Variants in OTOGL observed in about 807,000 individuals in gnomAD.
The protein encoded by OTOGL is otogelin-like protein.
A neutral mutation model predicts 318.5 loss-of-function variants in OTOGL; 285 were observed. The ratio of observed to expected loss-of-function variants is 0.89; its 90% CI spans 0.81 to 0.99. OTOGL has a LOEUF of 0.99. Among genes scored for constraint, OTOGL ranks in the 50% least tolerant of loss-of-function variants. The pLI is 0.00. For missense variants in OTOGL, 2,899 were observed against 2,845.6 expected (o/e 1.02, Z -0.43); for synonymous variants, 987 against 936.5 (o/e 1.05, Z -0.99).
chr12:80,378,049 ACCCTTGGGTTC>A lies in OTOGL; in HGVS notation c.*3_*13del. 3 of 1,561,474 alleles carry A rather than the reference ACCCTTGGGTTC, an allele frequency of 1.9e-6. No homozygotes were observed. In the South Asian group the frequency reaches 3.5e-5, roughly 18 times the overall value. On this transcript the variant is annotated 3_prime_UTR_variant, in exon 59 of 59. Coordinates refer to ENST00000547103, the MANE Select transcript of OTOGL (RefSeq NM_001378609.3). ...AGACTGTACGTGCCAGTGGAATTAA[ACCCTTGGGTTC>A]CAAGAGCTCTATACAACATCATAAC...
intron 1 of OTOGL, among the ~76,000 whole-genome samples, chr12:80,152,349 G>A (rs1461029093): frequency 6.6e-6 from 1 of 152,158 alleles, no homozygotes; most frequent in Non-Finnish European, 1.5e-5. Context: ...AGAAGAGAAA[G>A]CAGAGGCCCA....
chr12:80,228,470 CAAAA>C (rs891603137), intron 7 of OTOGL, among the ~76,000 whole-genome samples: 39 of 151,304 alleles, frequency 2.6e-4, no homozygotes, highest in African/African-American at 9.4e-4. Context: ...CAAAAACAAA[CAAAA>C]AAAACCCCAA....
In OTOGL at chr12:80,255,110, G is replaced by A; in HGVS notation, c.1512G>A (p.Met504Ile). 1 of 1,526,100 alleles carries A rather than the reference G, an allele frequency of 6.6e-7. No homozygotes were observed. The highest frequency in any genetic ancestry group is 2.2e-5 in the Admixed American group (1 of 45,126). 94.5% of individuals were successfully genotyped at this position (1,526,100 alleles called of 1,614,324 possible). The change falls in exon 16 of 59, where the codon ATG becomes ATA. Residue 504 changes from methionine (M) to isoleucine (I), a missense_variant. This residue lies in a region of OTOGL where 2,607 missense variants were observed against 2,524.9 expected (regional missense o/e 1.03). Coordinates refer to ENST00000547103, the MANE Select transcript of OTOGL (RefSeq NM_001378609.3). The stretch of plus-strand genomic sequence containing the variant: ...GTCGACATTATTCTTTTATTGGCAT[G>A]TGCCAATACATCCTCGTGAAAGGAA... ...FDGRHYSFIG[M>I]CQYILVKGTG...
At chr12:80,302,055 TGTTAA>T (rs922649086) in intron 27 of OTOGL, among the ~76,000 whole-genome samples, 1 of 152,204 alleles carries the variant, frequency 6.6e-6, no homozygotes, top group Non-Finnish European at 1.5e-5. Flanking sequence ...TTTTCTTTCT[TGTTAA>T]GTTGAGAACT....
intron 1 of OTOGL, among the ~76,000 whole-genome samples, chr12:80,138,651 A>G (rs962014650): frequency 1.3e-5 from 2 of 152,206 alleles, no homozygotes; most frequent in Non-Finnish European, 2.9e-5. Context: ...CAATAGCTAC[A>G]TTAGCACTTT....
chr12:80,234,793 A>G (rs6539495), intron 9 of OTOGL, among the ~76,000 whole-genome samples: 108,618 of 152,114 alleles, frequency 0.71, 41,314 homozygotes, highest in East Asian at 1. Context: ...TTAGTTTACT[A>G]GTAGCTAGAG....
chr12:80,292,279 C>T (rs112477124), intron 26 of OTOGL, among the ~76,000 whole-genome samples: 22 of 152,306 alleles, frequency 1.4e-4, no homozygotes, highest in South Asian at 4.1e-4. Context: ...TGAGCCACTA[C>T]GCCCAGCAGA....
chr12:80,336,763 A>G (rs1888432930), intron 40 of OTOGL, 34 bp from the exon 41 acceptor site: 1 of 1,482,730 alleles, frequency 6.7e-7, no homozygotes, highest in Non-Finnish European at 9.1e-7. Context: ...AAGTCAAATA[A>G]TGCATTTAAA....
intron 1 of OTOGL, among the ~76,000 whole-genome samples, chr12:80,158,792 A>G (rs575816625): frequency 6.9e-4 from 105 of 152,160 alleles, no homozygotes; most frequent in African/African-American, 2.4e-3. Context: ...TGAGAGTTTG[A>G]CTTCCTCTTT....
At chr12:80,266,971 A>C (rs558528402) in intron 21 of OTOGL, among the ~76,000 whole-genome samples, 1 of 152,174 alleles carries the variant, frequency 6.6e-6, no homozygotes. Flanking sequence ...GTTAAATGAT[A>C]TATCAGTTAT....
intron 56 of OTOGL, among the ~76,000 whole-genome samples, chr12:80,371,270 A>T (rs1415126900): frequency 2.0e-5 from 3 of 152,128 alleles, no homozygotes; most frequent in Non-Finnish European, 4.4e-5. Context: ...ATTTATTTAG[A>T]CAATAATAAT....
rs1164891864 is a variant in OTOGL, at chr12:80,379,917, G to A, written c.*1869G>A. On this transcript the variant is annotated 3_prime_UTR_variant, in exon 59 of 59. Coordinates refer to ENST00000547103, the MANE Select transcript of OTOGL (RefSeq NM_001378609.3). ...TAACTCCCTTAATTCTTAGAGTCTAGCAAGAAAGCAGGCCTTAAATAGCCA... is the reference window on the plus strand; with the variant it reads ...TAACTCCCTTAATTCTTAGAGTCTAACAAGAAAGCAGGCCTTAAATAGCCA... 1 of 151,908 alleles carries A rather than the reference G, an allele frequency of 6.6e-6. No homozygotes were observed. The highest frequency in any genetic ancestry group is 6.6e-5 in the Admixed American group (1 of 15,230). The allele number at this position is 151,908 out of a possible 1,614,324, so 9.4% of individuals were successfully genotyped here. A position where few individuals can be genotyped will look rare whatever the true frequency, so the allele number is the denominator to read the frequency against.
intron 1 of OTOGL, among the ~76,000 whole-genome samples, chr12:80,177,399 CT>C (rs892820527): frequency 6.6e-6 from 1 of 152,112 alleles, no homozygotes; most frequent in Non-Finnish European, 1.5e-5. Flanking sequence ...GCCTCAGCAC[CT>C]TTTTTGAAAA....
chr12:80,276,452 A>G (rs1311588450), intron 24 of OTOGL, among the ~76,000 whole-genome samples: 6 of 151,762 alleles, frequency 4.0e-5, no homozygotes, highest in Non-Finnish European at 7.4e-5. Context: ...AGTTATTGTC[A>G]CTATAAGCTA....
chr12:80,122,900 A>AT (rs148785421), intron 1 of OTOGL, among the ~76,000 whole-genome samples: 5 of 149,294 alleles, frequency 3.3e-5, no homozygotes, highest in African/African-American at 9.9e-5. Context: ...TTATTTTTTT[A>AT]TTTTTATTTT....
In OTOGL at chr12:80,320,550, C is replaced by T. The variant is rs1230531336; in HGVS notation, c.3931C>T (p.His1311Tyr). Reference sequence around the variant, plus strand: ...CTTTCATCGGAGAGCAACATTTTTCCACCATCAGGGCCTCTGGATTCCTGG... The same window carrying T: ...CTTTCATCGGAGAGCAACATTTTTCTACCATCAGGGCCTCTGGATTCCTGG... ...SAFHRRATFF[H>Y]HQGLWIPGYS... Residue 1311 changes from histidine (H) to tyrosine (Y), a missense_variant, in exon 34 of 59, where the codon CAC (histidine) becomes TAC (tyrosine). By Grantham distance (83) the His-to-Tyr change is moderately conservative (BLOSUM62 2). Around this residue, in one of 3 missense-constraint regions of OTOGL, gnomAD observed 2,607 missense variants for 2,524.9 expected, o/e 1.03. Coordinates refer to ENST00000547103, the MANE Select transcript of OTOGL (RefSeq NM_001378609.3). 1.2e-6 allele frequency: 2 copies of T among 1,613,496 alleles called. No homozygotes were observed. The highest frequency in any genetic ancestry group is 3.3e-5 in the Admixed American group (2 of 59,898).
intron 1 of OTOGL, among the ~76,000 whole-genome samples, chr12:80,161,176 A>G (rs1873491679): frequency 6.6e-6 from 1 of 152,072 alleles, no homozygotes; most frequent in Non-Finnish European, 1.5e-5. Context: ...ACAAATTACC[A>G]CTAAAGAACT....
intron 31 of OTOGL, 147 bp downstream of exon 31, chr12:80,313,779 A>G (rs1309604357): frequency 3.1e-6 from 2 of 649,178 alleles, no homozygotes; most frequent in East Asian, 3.2e-5. Context: ...TTTGACAATC[A>G]TAAATTATAG....
chr12:80,164,053 C>T (rs1379874941), intron 1 of OTOGL, among the ~76,000 whole-genome samples: 2 of 152,086 alleles, frequency 1.3e-5, no homozygotes, highest in Non-Finnish European at 2.9e-5. Context: ...GTGTGCTTTT[C>T]CCCTCAAGAA....
Sources: allele counts gnomAD v4.1 joint callset (sites outside exome capture counted in the v4.1 genomes callset), GRCh38; gene constraint gnomAD v4.1.1; regional missense constraint gnomAD v4.1.1; transcripts MANE v1.5; gene names NCBI Gene and HGNC (gene_info 2026-07-23, HGNC 2026-07-21).